SRBD1: variants seen among roughly 807,000 people sequenced by gnomAD.
SRBD1 encodes S1 RNA binding domain 1, also known as S1 RNA-binding domain-containing protein 1.
A neutral mutation model predicts 115.3 loss-of-function variants in SRBD1; 88 were observed. The observed-to-expected ratio is 0.76, with a 90% CI of 0.64 to 0.91. SRBD1 has a LOEUF of 0.91. Among genes scored for constraint, SRBD1 ranks in the 40% least tolerant of loss-of-function variants. The probability of loss-of-function intolerance (pLI) is 0.00; values close to 1 mark genes in which losing one functional copy is unlikely to be tolerated. For missense variants in SRBD1, 1,385 were observed against 1,177.4 expected, an observed-to-expected ratio of 1.18 and a Z score of -2.58; for synonymous variants, 509 against 407.7, an observed-to-expected ratio of 1.25 and a Z score of -2.99.
Position 45,472,627 on chromosome 2 carries a change from C to T in SRBD1, c.2049+4366G>A, listed in dbSNP as rs554958367. 3.9e-5 allele frequency among the ~76,000 whole-genome samples: 6 copies of T among 152,268 alleles called. No homozygotes were observed. In the East Asian group the frequency reaches 1.2e-3, roughly 29 times the overall value. On this transcript the variant is annotated intron_variant, in intron 16 of 20. Transcript: ENST00000263736. ...TGTTCTGAGTAGCTGAGGCCAGGTG[C>T]GTGTCACCATGCCTAGCTTCAAGCT...
chr2:45,517,435 C>A (rs188505121), intron 14 of SRBD1, among the ~76,000 whole-genome samples: 1 of 152,108 alleles, frequency 6.6e-6, no homozygotes, highest in African/African-American at 2.4e-5. Context: ...AGCAGAGCAA[C>A]TAAAAGCAGA....
At chr2:45,403,612 C>A (rs1051804462) in intron 19 of SRBD1, among the ~76,000 whole-genome samples, 20 of 152,056 alleles carry the variant, frequency 1.3e-4, no homozygotes, top group Non-Finnish European at 2.4e-4. Context: ...CTTAGTAAAT[C>A]TGGTGCCAAA....
chr2:45,599,314 G>A, intron 4 of SRBD1, 135 bp downstream of exon 4: 1 of 1,227,914 alleles, frequency 8.1e-7, no homozygotes, highest in South Asian at 1.5e-5. Context: ...AAGTAGGAAA[G>A]CCTCCAGAAA....
In SRBD1 at chr2:45,585,666, T is replaced by C; in HGVS notation, c.757A>G (p.Ile253Val). ...AAGGAATCAGCATCAAGGTTATTAA[T>C]GAGCTCTTTTCTATAACGTATAATG... ...PFIIRYRKEL[I>V]NNLDADSLRE... The change falls in exon 5 of 21, where the codon ATT (isoleucine) becomes GTT (valine). Residue 253 changes from isoleucine (I) to valine (V), a missense_variant. By Grantham distance (29) the Ile-to-Val change is conservative (BLOSUM62 3). Coordinates refer to ENST00000263736, the MANE Select transcript of SRBD1 (RefSeq NM_018079.5). The C allele has an allele frequency of 1.9e-6, 3 of 1,612,638 alleles. No homozygotes were observed. Among genetic ancestry groups the C allele is most frequent in the Non-Finnish European group, 2.5e-6 (3 of 1,179,624 alleles).
chr2:45,420,707 T>C lies in SRBD1; in HGVS notation c.2050-813A>G, dbSNP rs542676011. Among the ~76,000 whole-genome samples the C allele has an allele frequency of 2.0e-5, 3 of 152,326 alleles. No individual in the cohort carries two copies. The South Asian group carries it at 6.2e-4, about 32-fold the overall frequency. ...TTCAAAATCATAGGTGTCAAGGTTT[T>C]CCATGCAGTATTGTTTTTTATACTA... On this transcript the variant is annotated intron_variant, in intron 16 of 20. Coordinates refer to ENST00000263736, the MANE Select transcript of SRBD1 (RefSeq NM_018079.5).
At chr2:45,462,325 A>G (rs925594376) in intron 16 of SRBD1, among the ~76,000 whole-genome samples, 2 of 152,202 alleles carry the variant, frequency 1.3e-5, no homozygotes, top group Admixed American at 6.5e-5. Context: ...ACATAATCAC[A>G]CCTCTGAGAC....
chr2:45,448,687 T>C (rs535469232), intron 16 of SRBD1, among the ~76,000 whole-genome samples: 2 of 152,256 alleles, frequency 1.3e-5, no homozygotes, highest in African/African-American at 4.8e-5. Context: ...CAGATAACTA[T>C]TTTTCACCTC....
intron 10 of SRBD1, among the ~76,000 whole-genome samples, chr2:45,555,385 AAAAAC>A (rs992092454): frequency 4.6e-5 from 7 of 152,166 alleles, no homozygotes; most frequent in Admixed American, 2.0e-4. Context: ...TCTTAAAAAC[AAAAAC>A]AAAACAAACA....
In SRBD1 at chr2:45,562,664, G is replaced by T. The variant is rs745603748; in HGVS notation, c.1398C>A (p.Cys466Ter). 3 of 1,603,910 alleles carry T rather than the reference G, an allele frequency of 1.9e-6. No individual in the cohort carries two copies. In the South Asian group the frequency reaches 3.4e-5, roughly 18 times the overall value. The stretch of plus-strand genomic sequence containing the variant: ...ATCTGTAAACAGACCTGTTTTGGAT[G>T]CACCACCTACAGAATTCATCCTTCA... ...DGVKDEFCRW[C>*]IQNRWRPRSF... The change falls in exon 10 of 21, where the codon TGC becomes TGA. Residue 466 changes from cysteine (C) to a stop codon, truncating the protein, a stop_gained. Coordinates refer to ENST00000263736, the MANE Select transcript of SRBD1 (RefSeq NM_018079.5). LOFTEE classifies it high-confidence loss of function.
chr2:45,538,595 G>A (rs1671837928), intron 14 of SRBD1, among the ~76,000 whole-genome samples: 1 of 152,158 alleles, frequency 6.6e-6, no homozygotes, highest in South Asian at 2.1e-4. Context: ...AACTAAGAGG[G>A]ACTGAAAAGG....
At chr2:45,395,081 A>G (rs1273054881) in intron 19 of SRBD1, among the ~76,000 whole-genome samples, 1 of 152,202 alleles carries the variant, frequency 6.6e-6, no homozygotes, top group Non-Finnish European at 1.5e-5. Flanking sequence ...GCCGAAATCC[A>G]ACTTCCTTAT....
chr2:45,575,952 C>T (rs966390709), intron 7 of SRBD1, among the ~76,000 whole-genome samples: 3 of 152,192 alleles, frequency 2.0e-5, no homozygotes, highest in African/African-American at 7.2e-5. Context: ...GATCTGCCCC[C>T]CTCAGCCTCC....
intron 4 of SRBD1, among the ~76,000 whole-genome samples, chr2:45,589,422 G>C (rs1315943556): frequency 2.0e-5 from 3 of 152,178 alleles, no homozygotes; most frequent in Admixed American, 2.0e-4. Context: ...TGAAGGAATA[G>C]CATTTTGATT....
At chr2:45,421,582 A>G (rs1668009203) in intron 16 of SRBD1, among the ~76,000 whole-genome samples, 1 of 150,668 alleles carries the variant, frequency 6.6e-6, no homozygotes, top group African/African-American at 2.4e-5. Context: ...ATGAAATGCA[A>G]TATTTTAAAG....
intron 16 of SRBD1, among the ~76,000 whole-genome samples, chr2:45,421,448 A>C (rs1343816264): frequency 7.8e-6 from 1 of 128,932 alleles, no homozygotes; most frequent in Non-Finnish European, 1.6e-5. Flanking sequence ...TGGAGCTTGC[A>C]GTGAGCGTAG....
At chr2:45,586,360 C>T (rs941022315) in intron 4 of SRBD1, among the ~76,000 whole-genome samples, 1 of 151,988 alleles carries the variant, frequency 6.6e-6, no homozygotes, top group African/African-American at 2.4e-5. Flanking sequence ...TATGCCCATA[C>T]TAAATACCAT....
At chr2:45,516,996 T>C (rs941229945) in intron 14 of SRBD1, among the ~76,000 whole-genome samples, 2 of 152,210 alleles carry the variant, frequency 1.3e-5, no homozygotes, top group Non-Finnish European at 2.9e-5. Flanking sequence ...CAATATTTAC[T>C]AATCCTTAAA....
chr2:45,420,230 T>G (rs903431898), intron 16 of SRBD1, among the ~76,000 whole-genome samples: 1 of 152,270 alleles, frequency 6.6e-6, no homozygotes, highest in Middle Eastern at 3.4e-3. Context: ...CCTGATTCAG[T>G]AGGTCTAGGG....
chr2:45,402,181 T>A (rs1034096950), intron 19 of SRBD1, among the ~76,000 whole-genome samples: 3 of 152,190 alleles, frequency 2.0e-5, no homozygotes, highest in African/African-American at 7.2e-5. Context: ...TAGGAATCTT[T>A]ATATTCATTT....
Sources: allele counts gnomAD v4.1 joint callset (sites outside exome capture counted in the v4.1 genomes callset), GRCh38; gene constraint gnomAD v4.1.1; transcripts MANE v1.5; gene names NCBI Gene and HGNC (gene_info 2026-07-23, HGNC 2026-07-21).